NISCH: variants seen among roughly 807,000 people sequenced by gnomAD.
NISCH encodes the protein I-1 receptor candidate protein.
Under a neutral mutation model 138.4 loss-of-function variants are expected in NISCH, and 55 were observed. The observed-to-expected ratio is 0.40, with a 90% CI of 0.32 to 0.50. The LOEUF is 0.50. NISCH is among the 20% of genes least tolerant of loss of function. NISCH has a pLI of 0.71. For missense variants in NISCH, 1,643 were observed against 2,005.5 expected (o/e 0.82, Z 3.45); for synonymous variants, 860 against 861.5 (o/e 1.00, Z 0.03).
Position 52,488,285 on chromosome 3 carries a change from C to G in NISCH, c.2793C>G (p.Gly931=), listed in dbSNP as rs140308061. Residue 931 remains glycine (G), a synonymous_variant, in exon 16 of 21, where the codon GGC becomes GGG. Coordinates refer to ENST00000345716, the MANE Select transcript of NISCH (RefSeq NM_007184.4). ...KADFNPMPNR[G]THNCRNRNSF... is the part of the protein sequence containing the mutation. Reference sequence around the variant, plus strand: ...ACTTCAACCCCATGCCCAACCGTGGCACCCACAACTGTCGCAACCGCAACA... The same window carrying G: ...ACTTCAACCCCATGCCCAACCGTGGGACCCACAACTGTCGCAACCGCAACA... 2.2e-5 allele frequency: 36 copies of G among 1,610,482 alleles called. No individual in the cohort carries two copies. The highest frequency in any genetic ancestry group is 3.1e-5 in the Non-Finnish European group (36 of 1,179,992).
intron 13 of NISCH, chr3:52,480,809 A>G: frequency 6.6e-7 from 1 of 1,505,684 alleles, no homozygotes; most frequent in Non-Finnish European, 8.9e-7. Context: ...CTGTGGACCC[A>G]TGGAAGACCA....
In NISCH at chr3:52,488,738, C is replaced by T. The variant is rs559404058; in HGVS notation, c.3113+133C>T. 1.1e-4 allele frequency: 79 copies of T among 728,100 alleles called. No individual in the cohort carries two copies. The South Asian group carries it at 1.3e-3, about 12-fold the overall frequency. The allele number at this position is 728,100 out of a possible 1,614,324, so 45.1% of individuals were successfully genotyped here. ...CCCCTCCCCCCCTGCCCCTCGCCCC[C>T]CCCGGGCCTCCCTCTACATCACCAC... On this transcript the variant is annotated intron_variant, in intron 16 of 20. Coordinates refer to ENST00000345716, the MANE Select transcript of NISCH (RefSeq NM_007184.4).
chr3:52,482,035 T>A, intron 13 of NISCH: 1 of 513,218 alleles, frequency 1.9e-6, no homozygotes, highest in Non-Finnish European at 2.5e-6. Context: ...CAGGCCACGG[T>A]CCAGGACGGG....
At chr3:52,491,828 AG>A in intron 20 of NISCH, 43 bp from the exon 21 acceptor site, 2 of 1,529,608 alleles carry the variant, frequency 1.3e-6, no homozygotes, top group African/African-American at 1.4e-5. Context: ...CAGCCCCACC[AG>A]GGGCCGGTTC....
chr3:52,480,743 G>A (rs1411336303), intron 13 of NISCH: 20 of 1,428,290 alleles, frequency 1.4e-5, no homozygotes, highest in East Asian at 5.2e-5. Flanking sequence ...ATCTCTGTGG[G>A]GTGACCCAGC....
chr3:52,476,439 T>C lies in NISCH; in HGVS notation c.766-8T>C. 6.2e-7 allele frequency: 1 copy of C among 1,613,918 alleles called. No homozygotes were observed. The highest frequency in any genetic ancestry group is 8.5e-7 in the Non-Finnish European group (1 of 1,179,848). On this transcript the variant is annotated splice_region_variant and splice_polypyrimidine_tract_variant and intron_variant, in intron 7 of 20. Transcript: ENST00000345716. ...AGTGTGGTGCTCCACACAGATGTTT[T>C]TATGCAGGAAGTCCTTGTTCCTGAA...
rs1436346672 is a variant in NISCH at position 52,491,494 on chromosome 3, G to A, written c.3885G>A (p.Glu1295=). The change falls in exon 20 of 21, where the codon GAG becomes GAA. Residue 1295 remains glutamate, a synonymous_variant. Transcript: ENST00000345716. The part of the protein sequence containing the change: ...PEPVDKDFYS[E]FGNKTTGKME... The stretch of plus-strand genomic sequence containing the variant: ...CTGTTGACAAGGACTTCTACTCCGA[G>A]TTTGGGAACAAGACCACAGGTACCC... 1 of 1,612,640 alleles carries A rather than the reference G, an allele frequency of 6.2e-7. No homozygotes were observed. The highest frequency in any genetic ancestry group is 8.5e-7 in the Non-Finnish European group (1 of 1,179,592).
intron 3 of NISCH, among the ~76,000 whole-genome samples, chr3:52,464,040 A>T (rs1050360239): frequency 6.6e-6 from 1 of 151,862 alleles, no homozygotes; most frequent in African/African-American, 2.4e-5. Context: ...GCCTCTTTTC[A>T]TATGATATTT....
intron 3 of NISCH, among the ~76,000 whole-genome samples, chr3:52,461,886 T>C (rs1163059651): frequency 6.6e-6 from 1 of 151,678 alleles, no homozygotes; most frequent in Non-Finnish European, 1.5e-5. Flanking sequence ...AAAGAAATAT[T>C]GTATTTTAAG....
intron 3 of NISCH, among the ~76,000 whole-genome samples, chr3:52,463,373 G>A (rs1251029406): frequency 6.6e-6 from 1 of 152,160 alleles, no homozygotes; most frequent in East Asian, 1.9e-4. Context: ...TGTTAGGTTT[G>A]TTTCCATTTT....
intron 4 of NISCH, chr3:52,471,415 CA>C (rs1706942332): frequency 3.3e-6 from 1 of 303,194 alleles, no homozygotes; most frequent in South Asian, 4.3e-5. Flanking sequence ...ATCCTGCTTC[CA>C]GGCTCTGCAC....
At chr3:52,465,050 C>A (rs1284367041) in intron 3 of NISCH, among the ~76,000 whole-genome samples, 1 of 152,156 alleles carries the variant, frequency 6.6e-6, no homozygotes, top group Non-Finnish European at 1.5e-5. Flanking sequence ...TTTCTTTGGT[C>A]ACTTGTGTTT....
At chr3:52,491,828 A>G (rs1173162678) in intron 20 of NISCH, 44 bp from the exon 21 acceptor site, 1 of 1,529,608 alleles carries the variant, frequency 6.5e-7, no homozygotes, top group Non-Finnish European at 8.8e-7. Flanking sequence ...CAGCCCCACC[A>G]GGGGCCGGTT....
intron 18 of NISCH, among the ~76,000 whole-genome samples, chr3:52,490,434 C>T (rs1019798405): frequency 6.6e-6 from 1 of 152,174 alleles, no homozygotes; most frequent in Non-Finnish European, 1.5e-5. Flanking sequence ...ATGCACTGAG[C>T]CAGGGCCTGG....
At chr3:52,489,779 G>C in intron 17 of NISCH, 101 bp downstream of exon 17, 1 of 1,512,428 alleles carries the variant, frequency 6.6e-7, no homozygotes, top group South Asian at 1.3e-5. Flanking sequence ...CTTCCCTGAT[G>C]TCGGAGTCCT....
intron 11 of NISCH, 29 bp from the exon 12 acceptor site, chr3:52,479,720 T>A (rs1707212314): frequency 1.9e-6 from 3 of 1,544,770 alleles, no homozygotes; most frequent in Admixed American, 1.8e-5. Flanking sequence ...CCAGTCCCCA[T>A]GCTGATAGCC....
chr3:52,468,937 T>C (rs953355085), intron 3 of NISCH, among the ~76,000 whole-genome samples: 1 of 151,656 alleles, frequency 6.6e-6, no homozygotes, highest in Admixed American at 6.6e-5. Flanking sequence ...AATGTAAAAA[T>C]GAAAAACCTC....
chr3:52,470,057 C>A (rs2153231018), intron 3 of NISCH, among the ~76,000 whole-genome samples: 1 of 150,638 alleles, frequency 6.6e-6, no homozygotes, highest in East Asian at 1.9e-4. Context: ...GCACTCCAGC[C>A]TGAGTGACAG....
intron 5 of NISCH, 139 bp from the exon 6 acceptor site, chr3:52,472,164 C>A (rs1451425891): frequency 2.0e-6 from 2 of 985,402 alleles, no homozygotes; most frequent in Non-Finnish European, 1.5e-6. Context: ...CCCAGTGTCC[C>A]GTTAAATTAA....
Sources: allele counts gnomAD v4.1 joint callset (sites outside exome capture counted in the v4.1 genomes callset), GRCh38; gene constraint gnomAD v4.1.1; transcripts MANE v1.5; gene names NCBI Gene and HGNC (gene_info 2026-07-23, HGNC 2026-07-21).